VSTM2L: variants seen among roughly 807,000 people sequenced by gnomAD.
VSTM2L encodes V-set and transmembrane domain-containing protein 2-like protein.
A neutral mutation model predicts 19.9 loss-of-function variants in VSTM2L; 9 were observed. That is an observed-to-expected ratio of 0.45 (90% CI 0.27 to 0.79). The LOEUF (loss-of-function observed/expected upper bound fraction) is 0.79. Among genes scored for constraint, VSTM2L ranks in the 30% least tolerant of loss-of-function variants. The pLI is 0.15. For synonymous variants in VSTM2L, 127 were observed against 133.8 expected (o/e 0.95, Z 0.35); for missense variants, 286 against 295.5 (o/e 0.97, Z 0.24).
intron 1 of VSTM2L, among the ~76,000 whole-genome samples, chr20:37,913,055 T>G (rs1215664986): frequency 6.6e-6 from 1 of 152,120 alleles, no homozygotes; most frequent in Non-Finnish European, 1.5e-5. Context: ...GGATTACACA[T>G]ACATATATTC....
intron 1 of VSTM2L, 22 bp from the exon 2 acceptor site, chr20:37,931,613 C>A: frequency 6.2e-7 from 1 of 1,601,022 alleles, no homozygotes; most frequent in African/African-American, 1.3e-5. Flanking sequence ...CCCCGCCATT[C>A]TTCCCCCTGT....
chr20:37,934,730 G>A (rs1193297209), intron 3 of VSTM2L, among the ~76,000 whole-genome samples: 1 of 152,112 alleles, frequency 6.6e-6, no homozygotes, highest in African/African-American at 2.4e-5. Flanking sequence ...GAGTCATTGG[G>A]GTGCCATGTC....
chr20:37,932,554 A>T (rs531885919), intron 2 of VSTM2L, among the ~76,000 whole-genome samples: 21 of 152,250 alleles, frequency 1.4e-4, no homozygotes, highest in African/African-American at 5.1e-4. Flanking sequence ...TAGCTGGGAC[A>T]ACCGAAGCAT....
intron 2 of VSTM2L, among the ~76,000 whole-genome samples, 191 bp from the exon 3 acceptor site, chr20:37,933,348 C>A (rs1278598195): frequency 6.6e-6 from 1 of 152,178 alleles, no homozygotes; most frequent in Non-Finnish European, 1.5e-5. Flanking sequence ...TCTGACCTCA[C>A]CTCCTCCCCT....
chr20:37,914,477 T>G (rs1190713814), intron 1 of VSTM2L, among the ~76,000 whole-genome samples: 2 of 7,116 alleles, frequency 2.8e-4, no homozygotes, highest in Non-Finnish European at 6.2e-4. Context: ...TGTGTGTATT[T>G]TGTGTGTGTG....
At chr20:37,927,257 G>T (rs1157230513) in intron 1 of VSTM2L, among the ~76,000 whole-genome samples, 3 of 152,226 alleles carry the variant, frequency 2.0e-5, no homozygotes, top group African/African-American at 7.2e-5. Context: ...GAGCCACCGT[G>T]CCCGGCCTCA....
Position 37,903,593 on chromosome 20 carries a change from C to A in VSTM2L, c.121+122C>A, listed in dbSNP as rs1219180273. ...GTCGTGGCGGGCATCCCGGGGCGCC[C>A]CCTGCCGGCGCGGTGGACCCGCCCT... On this transcript the variant is annotated intron_variant, in intron 1 of 3. Transcript: ENST00000373461. 1.5e-5 allele frequency: 20 copies of A among 1,294,768 alleles called. No homozygotes were observed. The South Asian group carries it at 3.8e-4, about 24-fold the overall frequency. 80.2% of individuals were successfully genotyped at this position (1,294,768 alleles called of 1,614,324 possible). A position where few individuals can be genotyped will look rare whatever the true frequency, so the allele number is the denominator to read the frequency against.
intron 1 of VSTM2L, among the ~76,000 whole-genome samples, chr20:37,909,970 C>T (rs2072770827): frequency 1.3e-5 from 2 of 152,172 alleles, no homozygotes; most frequent in Admixed American, 1.3e-4. Context: ...GTTCCCTTCT[C>T]ACAGCCAGGC....
rs148178083 is a variant in VSTM2L, at chr20:37,940,051, G to A, written c.343-3930G>A. 2.8e-4 allele frequency among the ~76,000 whole-genome samples: 43 copies of A among 152,284 alleles called. No individual in the cohort carries two copies. In the East Asian group the frequency reaches 8.3e-3, roughly 29 times the overall value. Reference sequence around the variant, plus strand: ...GTGGGCCGAGGGCTGGGCCTCGCTTGGTGCTCCCTCCCTAGGAGCGAGTGC... The same window carrying A: ...GTGGGCCGAGGGCTGGGCCTCGCTTAGTGCTCCCTCCCTAGGAGCGAGTGC... On this transcript the variant is annotated intron_variant, in intron 3 of 3. Coordinates refer to ENST00000373461, the MANE Select transcript of VSTM2L (RefSeq NM_080607.3).
intron 1 of VSTM2L, among the ~76,000 whole-genome samples, chr20:37,922,103 A>T (rs1408189731): frequency 6.6e-6 from 1 of 152,074 alleles, no homozygotes; most frequent in Non-Finnish European, 1.5e-5. Context: ...CATCAAGAAC[A>T]TTCAGGCTGC....
In VSTM2L at chr20:37,903,470, C is replaced by T. The variant is rs781775589; in HGVS notation, c.120C>T (p.His40=). 7.5e-6 allele frequency: 11 copies of T among 1,474,432 alleles called. 1 individual carries two copies. In the South Asian group the frequency reaches 1.4e-4, roughly 19 times the overall value. The allele number at this position is 1,474,432 out of a possible 1,614,324, so 91.3% of individuals were successfully genotyped here. ...HAPWDNHVSG[H]ALFTETPHDM... is the part of the protein sequence containing the mutation. ...CCTGGGACAACCACGTCTCCGGCCA[C>T]GGTGAGTTCGGTCGCCGCCCCCGCG... The change falls in exon 1 of 4, where the codon CAC becomes CAT. Residue 40 remains histidine (H), a splice_region_variant and synonymous_variant. Transcript: ENST00000373461.
rs191560602 is a variant in VSTM2L at position 37,915,269 on chromosome 20, C to T, written c.121+11798C>T. 6.0e-4 allele frequency among the ~76,000 whole-genome samples: 91 copies of T among 152,284 alleles called. No individual in the cohort carries two copies. In the Middle Eastern group the frequency reaches 0.01, roughly 17 times the overall value. On this transcript the variant is annotated intron_variant, in intron 1 of 3. Coordinates refer to ENST00000373461, the MANE Select transcript of VSTM2L (RefSeq NM_080607.3). ...GACACCCTCCAGCTAGTGCGGGAAG[C>T]CCCGGGCCCCACCCGCGCTGCTGCC...
chr20:37,932,933 C>G (rs927819952), intron 2 of VSTM2L, among the ~76,000 whole-genome samples: 1 of 152,136 alleles, frequency 6.6e-6, no homozygotes, highest in African/African-American at 2.4e-5. Flanking sequence ...TCACATGTGC[C>G]CAAGGGCATA....
In VSTM2L at chr20:37,939,121, T is replaced by A. The variant is rs1000605131; in HGVS notation, c.343-4860T>A. 1.3e-4 allele frequency among the ~76,000 whole-genome samples: 20 copies of A among 152,128 alleles called. 1 individual carries two copies. Among genetic ancestry groups the A allele is most frequent in the African/African-American group, 4.8e-4 (20 of 41,430 alleles). On this transcript the variant is annotated intron_variant, in intron 3 of 3. Coordinates refer to ENST00000373461, the MANE Select transcript of VSTM2L (RefSeq NM_080607.3). Reference sequence around the variant, plus strand: ...GAGGTTTAAATAAGAGTGATGAAGCTTGGCTGGGCGCGGTGGCTCACGCTT... The same window carrying A: ...GAGGTTTAAATAAGAGTGATGAAGCATGGCTGGGCGCGGTGGCTCACGCTT...
At chr20:37,941,583 CA>C (rs1218819058) in intron 3 of VSTM2L, among the ~76,000 whole-genome samples, 1 of 152,212 alleles carries the variant, frequency 6.6e-6, no homozygotes, top group Non-Finnish European at 1.5e-5. Flanking sequence ...GGGTGACCAG[CA>C]GGGGCATCCC....
chr20:37,912,471 G>C (rs1178427298), intron 1 of VSTM2L, among the ~76,000 whole-genome samples: 1 of 152,204 alleles, frequency 6.6e-6, no homozygotes, highest in African/African-American at 2.4e-5. Flanking sequence ...GGGGGTTCTG[G>C]TGGATGGAGC....
chr20:37,942,475 C>T (rs1031888099), intron 3 of VSTM2L, among the ~76,000 whole-genome samples: 1 of 152,176 alleles, frequency 6.6e-6, no homozygotes, highest in Non-Finnish European at 1.5e-5. Flanking sequence ...GAGACTCTGT[C>T]TCAAACAAAC....
At chr20:37,908,240 C>G (rs960488462) in intron 1 of VSTM2L, among the ~76,000 whole-genome samples, 1 of 152,180 alleles carries the variant, frequency 6.6e-6, no homozygotes, top group African/African-American at 2.4e-5. Flanking sequence ...GAATTTGGCT[C>G]CTTGCCATGG....
At position 37,944,760 on chromosome 20, in the gene VSTM2L, G is replaced by A; in HGVS notation, c.*507G>A. ...CCCTGGTGAAGACCCAGGGAACCCA[G>A]GAGGGCCCTTCTGGGGCAGTGGCTC... On this transcript the variant is annotated 3_prime_UTR_variant, in exon 4 of 4. Transcript: ENST00000373461. The A allele has an allele frequency of 1.0e-6, 1 of 986,560 alleles. No individual in the cohort carries two copies. The highest frequency in any genetic ancestry group is 1.2e-6 in the Non-Finnish European group (1 of 830,566). The allele number at this position is 986,560 out of a possible 1,614,324, so 61.1% of individuals were successfully genotyped here. A position where few individuals can be genotyped will look rare whatever the true frequency, so the allele number is the denominator to read the frequency against.
Sources: allele counts gnomAD v4.1 joint callset (sites outside exome capture counted in the v4.1 genomes callset), GRCh38; gene constraint gnomAD v4.1.1; transcripts MANE v1.5; gene names NCBI Gene and HGNC (gene_info 2026-07-23, HGNC 2026-07-21).